The following RGS5 variants were observed in gnomAD, a reference collection of about 807,000 sequenced individuals.
RGS5 encodes the protein regulator of G-protein signalling 5.
RGS5 carries 20 observed loss-of-function variants against 18.9 expected under a neutral mutation model. That is an observed-to-expected ratio of 1.06 (90% CI 0.74 to 1.54). The LOEUF (loss-of-function observed/expected upper bound fraction) is 1.54. RGS5 is among the 40% of genes most tolerant of loss of function. RGS5 has a pLI of 0.00. For synonymous variants in RGS5, 57 were observed against 76.2 expected (o/e 0.75, Z 1.31); for missense variants, 201 against 211.8 (o/e 0.95, Z 0.32).
intron 2 of RGS5, among the ~76,000 whole-genome samples, chr1:163,263,529 C>A (rs1032408010): frequency 1.3e-5 from 2 of 152,144 alleles, no homozygotes; most frequent in African/African-American, 4.8e-5. Flanking sequence ...GGAGCCCCAA[C>A]AACTCCCAAA....
intron 2 of RGS5, among the ~76,000 whole-genome samples, chr1:163,165,388 A>G (rs1394266875): frequency 6.6e-6 from 1 of 152,252 alleles, no homozygotes; most frequent in Non-Finnish European, 1.5e-5. Flanking sequence ...TATCTATATC[A>G]GCTCCTAACA....
intron 1 of RGS5, among the ~76,000 whole-genome samples, chr1:163,175,751 CAT>C (rs1175358080): frequency 4.6e-5 from 7 of 152,162 alleles, no homozygotes; most frequent in Admixed American, 4.6e-4. Flanking sequence ...CATGTTAAAA[CAT>C]GTATTTATTT....
intron 2 of RGS5, among the ~76,000 whole-genome samples, chr1:163,269,031 T>C (rs1648644073): frequency 6.6e-6 from 1 of 152,146 alleles, no homozygotes; most frequent in African/African-American, 2.4e-5. Context: ...CCATGTAGCA[T>C]CATCTCCTGC....
chr1:163,214,021 A>G (rs1660166055), intron 1 of RGS5, among the ~76,000 whole-genome samples: 1 of 152,122 alleles, frequency 6.6e-6, no homozygotes, highest in African/African-American at 2.4e-5. Flanking sequence ...TAATTAATCG[A>G]TTGAACTCTA....
At chr1:163,284,870 GTAT>G (rs1323341315) in intron 2 of RGS5, among the ~76,000 whole-genome samples, 5 of 150,566 alleles carry the variant, frequency 3.3e-5, no homozygotes, top group Non-Finnish European at 7.4e-5. Context: ...CATGGTAAAT[GTAT>G]TAGTCCGTTT....
intron 4 of RGS5, among the ~76,000 whole-genome samples, chr1:163,150,268 G>T (rs1657321908): frequency 6.6e-6 from 1 of 152,078 alleles, no homozygotes; most frequent in Admixed American, 6.5e-5. Flanking sequence ...GCTAGCCATG[G>T]TATTGTTTAT....
chr1:163,177,098 G>T (rs1658592043), intron 1 of RGS5, among the ~76,000 whole-genome samples: 1 of 152,192 alleles, frequency 6.6e-6, no homozygotes, highest in Non-Finnish European at 1.5e-5. Flanking sequence ...TTGTTCATTA[G>T]ATAATGGGCT....
chr1:163,184,329 A>AAC (rs1489819507), intron 1 of RGS5, among the ~76,000 whole-genome samples: 1 of 152,076 alleles, frequency 6.6e-6, no homozygotes, highest in East Asian at 1.9e-4. Context: ...CACCAAGGGA[A>AAC]ACAAAAAGAC....
At chr1:163,177,609 G>A (rs1658611523) in intron 1 of RGS5, among the ~76,000 whole-genome samples, 1 of 152,090 alleles carries the variant, frequency 6.6e-6, no homozygotes, top group Non-Finnish European at 1.5e-5. Flanking sequence ...GACCACATGA[G>A]GTCACCAGAC....
chr1:163,270,352 GAAAAAA>G (rs59181379), intron 2 of RGS5, among the ~76,000 whole-genome samples: 2,042 of 94,702 alleles, frequency 0.022, 23 homozygotes, highest in Non-Finnish European at 0.031. Flanking sequence ...TCTCTATTGA[GAAAAAA>G]AAAAAAAAAA....
Position 163,146,037 on chromosome 1 carries a change from C to T in RGS5, c.*1305G>A, listed in dbSNP as rs1657114620. On this transcript the variant is annotated 3_prime_UTR_variant, in exon 5 of 5. Coordinates refer to ENST00000313961, the MANE Select transcript of RGS5 (RefSeq NM_003617.4). Reference sequence around the variant, plus strand: ...GTGAATCATTATTTAATCAAATCTACTAAAGATTAGAAAAAATTCTAGCAA... The same window carrying T: ...GTGAATCATTATTTAATCAAATCTATTAAAGATTAGAAAAAATTCTAGCAA... 6.6e-6 allele frequency: 1 copy of T among 152,046 alleles called. No homozygotes were observed. Among genetic ancestry groups the T allele is most frequent in the Non-Finnish European group, 1.5e-5 (1 of 67,990 alleles). 9.4% of individuals were successfully genotyped at this position (152,046 alleles called of 1,614,324 possible).
chr1:163,158,408 G>T (rs1033542518), intron 3 of RGS5, among the ~76,000 whole-genome samples: 3 of 152,044 alleles, frequency 2.0e-5, no homozygotes, highest in Non-Finnish European at 2.9e-5. Flanking sequence ...TTAGAGAGGG[G>T]TATCGGGCAA....
At chr1:163,212,734 A>T (rs572329199) in intron 1 of RGS5, 1 of 152,220 alleles carries the variant, frequency 6.6e-6, no homozygotes, top group Non-Finnish European at 1.5e-5. Context: ...TATCTAGACC[A>T]CAGCCACAAA....
intron 2 of RGS5, among the ~76,000 whole-genome samples, chr1:163,285,380 C>G (rs1382080345): frequency 6.6e-6 from 1 of 151,922 alleles, no homozygotes; most frequent in East Asian, 1.9e-4. Flanking sequence ...CATGGTGAAA[C>G]CCTGTCTCTA....
At chr1:163,211,270 A>G (rs1660095568) in intron 1 of RGS5, 2 of 152,166 alleles carry the variant, frequency 1.3e-5, no homozygotes, top group African/African-American at 4.8e-5. Flanking sequence ...AAGGAGCCAT[A>G]AGGTTAATTA....
chr1:163,155,797 T>C (rs978953623), intron 3 of RGS5, among the ~76,000 whole-genome samples: 4 of 152,160 alleles, frequency 2.6e-5, no homozygotes, highest in Admixed American at 2.6e-4. Context: ...CTGCTGAGCC[T>C]GCACAGAGCG....
chr1:163,285,358 C>T (rs962465376), intron 2 of RGS5, among the ~76,000 whole-genome samples: 9 of 152,044 alleles, frequency 5.9e-5, no homozygotes, highest in African/African-American at 2.2e-4. Flanking sequence ...AGTTCGAACC[C>T]AGCCTGGCCA....
intron 2 of RGS5, among the ~76,000 whole-genome samples, chr1:163,223,457 T>G (rs537805449): frequency 6.6e-6 from 1 of 152,216 alleles, no homozygotes; most frequent in Non-Finnish European, 1.5e-5. Context: ...AAGTAATTGC[T>G]GTCTGGACCC....
intron 2 of RGS5, among the ~76,000 whole-genome samples, chr1:163,260,936 A>C (rs955577737): frequency 6.6e-6 from 1 of 152,214 alleles, no homozygotes; most frequent in African/African-American, 2.4e-5. Context: ...TGAAGTGCTG[A>C]CAGGAATGAA....
Sources: gnomAD v4.1 joint callset for allele counts (sites outside exome capture counted in the v4.1 genomes callset) on GRCh38, gnomAD v4.1.1 for gene constraint, MANE v1.5 for transcripts, NCBI Gene and HGNC (gene_info 2026-07-23, HGNC 2026-07-21) for gene names.